PDE10A: variants seen among roughly 807,000 people sequenced by gnomAD.
PDE10A encodes the protein cAMP and cAMP-inhibited cGMP 3',5'-cyclic phosphodiesterase 10A.
In PDE10A, 39 loss-of-function variants were observed where a neutral mutation model predicts 97.7. The observed-to-expected ratio is 0.40, with a 90% CI of 0.31 to 0.52. The LOEUF (loss-of-function observed/expected upper bound fraction) is 0.52. Among genes scored for constraint, PDE10A ranks in the 20% least tolerant of loss-of-function variants. PDE10A has a pLI of 0.56. For missense variants in PDE10A, 731 were observed against 1,047.8 expected (o/e 0.70, Z 4.17); for synonymous variants, 371 against 376.8 (o/e 0.98, Z 0.18).
intron 1 of PDE10A, among the ~76,000 whole-genome samples, chr6:165,740,655 C>T (rs185565049): frequency 6.6e-6 from 1 of 152,020 alleles, no homozygotes; most frequent in Non-Finnish European, 1.5e-5. Context: ...TATTACTCAG[C>T]CTTAAAAAAG....
chr6:165,861,711 C>T (rs1257099108), intron 1 of PDE10A, among the ~76,000 whole-genome samples: 2 of 151,858 alleles, frequency 1.3e-5, no homozygotes, highest in Non-Finnish European at 2.9e-5. Context: ...AAGGGAGTGA[C>T]GGGTTGGCAT....
chr6:165,552,076 A>G (rs568907558), intron 1 of PDE10A, among the ~76,000 whole-genome samples: 74 of 152,132 alleles, frequency 4.9e-4, no homozygotes, highest in Non-Finnish European at 8.5e-4. Flanking sequence ...GTTTCACTGG[A>G]GCTACCTTCA....
chr6:165,600,484 T>C (rs1447901455), intron 1 of PDE10A, among the ~76,000 whole-genome samples: 3 of 152,372 alleles, frequency 2.0e-5, no homozygotes, highest in Middle Eastern at 3.4e-3. Flanking sequence ...TGCACGCACA[T>C]ACACATACAC....
At chr6:165,475,464 A>C (rs2128276309) in intron 3 of PDE10A, among the ~76,000 whole-genome samples, 1 of 152,352 alleles carries the variant, frequency 6.6e-6, no homozygotes, top group South Asian at 2.1e-4. Flanking sequence ...AAACGAGGTG[A>C]CTTTGGCTGC....
At chr6:165,667,989 T>C (rs1790538335), upstream of PDE10A, among the ~76,000 whole-genome samples, 1 of 152,196 alleles carries the variant, frequency 6.6e-6, no homozygotes, top group African/African-American at 2.4e-5. Context: ...CAGTTTTCAG[T>C]TCTTAAAAAC....
At chr6:165,953,140 A>G (rs574864833) in intron 1 of PDE10A, among the ~76,000 whole-genome samples, 8 of 152,314 alleles carry the variant, frequency 5.3e-5, no homozygotes, top group Admixed American at 4.6e-4. Context: ...TTGGGCCCTC[A>G]GTGCCTCTGT....
At chr6:165,926,828 T>G (rs1782948980) in intron 1 of PDE10A, among the ~76,000 whole-genome samples, 1 of 152,214 alleles carries the variant, frequency 6.6e-6, no homozygotes, top group Non-Finnish European at 1.5e-5. Context: ...ATGTTGTACT[T>G]TACATCAAAA....
At chr6:165,913,190 A>C (rs530910950) in intron 1 of PDE10A, among the ~76,000 whole-genome samples, 58 of 152,234 alleles carry the variant, frequency 3.8e-4, no homozygotes, top group African/African-American at 1.3e-3. Context: ...CATTATGTAT[A>C]TGCAAATATT....
At chr6:165,689,276 G>T (rs1377483588) in intron 1 of PDE10A, among the ~76,000 whole-genome samples, 3 of 152,166 alleles carry the variant, frequency 2.0e-5, no homozygotes, top group Non-Finnish European at 2.9e-5. Flanking sequence ...TGTTTCAAGG[G>T]TTAAATGTTC....
intron 1 of PDE10A, among the ~76,000 whole-genome samples, chr6:165,836,370 C>G (rs989502385): frequency 6.6e-6 from 1 of 152,322 alleles, no homozygotes; most frequent in East Asian, 1.9e-4. Context: ...GACCGGCGCA[C>G]GTCGGCACAG....
At chr6:165,851,422 A>C (rs938849087) in intron 1 of PDE10A, among the ~76,000 whole-genome samples, 1 of 152,236 alleles carries the variant, frequency 6.6e-6, no homozygotes, top group Non-Finnish European at 1.5e-5. Flanking sequence ...TATATTTTAC[A>C]ACTGGGCATC....
intron 1 of PDE10A, among the ~76,000 whole-genome samples, chr6:165,926,107 G>A (rs1009528835): frequency 2.0e-5 from 3 of 152,108 alleles, no homozygotes; most frequent in Non-Finnish European, 4.4e-5. Context: ...TCTGTCTCTG[G>A]GACCCCAGTT....
At chr6:165,550,777 G>C (rs1214511808) in intron 1 of PDE10A, among the ~76,000 whole-genome samples, 1 of 152,118 alleles carries the variant, frequency 6.6e-6, no homozygotes, top group Non-Finnish European at 1.5e-5. Context: ...TCTGTAACTG[G>C]AATGGGCTAC....
At chr6:165,371,800 T>A (rs1375980620) in intron 18 of PDE10A, among the ~76,000 whole-genome samples, 1 of 151,996 alleles carries the variant, frequency 6.6e-6, no homozygotes, top group Non-Finnish European at 1.5e-5. Context: ...ACCAACATCC[T>A]TGATGAACAT....
chr6:165,934,346 T>A (rs1371433763), intron 1 of PDE10A, among the ~76,000 whole-genome samples: 2 of 151,968 alleles, frequency 1.3e-5, no homozygotes, highest in Non-Finnish European at 2.9e-5. Flanking sequence ...TCCCCAGAGA[T>A]CTTTAGCTGC....
At chr6:165,608,845 C>T (rs1267504050) in intron 1 of PDE10A, among the ~76,000 whole-genome samples, 5 of 152,174 alleles carry the variant, frequency 3.3e-5, no homozygotes, top group Non-Finnish European at 5.9e-5. Context: ...TTTTGATTTG[C>T]ATTTCTCTGA....
intron 1 of PDE10A, chr6:165,946,885 A>G (rs1368512571): frequency 2.0e-5 from 3 of 152,182 alleles, no homozygotes; most frequent in African/African-American, 7.2e-5. Context: ...AAATGAAATG[A>G]CTTTTTACGT....
intron 1 of PDE10A, among the ~76,000 whole-genome samples, chr6:165,706,160 A>T (rs941431282): frequency 6.6e-6 from 1 of 152,164 alleles, no homozygotes; most frequent in Non-Finnish European, 1.5e-5. Flanking sequence ...GCAGTGCGGG[A>T]AAAAGATGAT....
intron 1 of PDE10A, among the ~76,000 whole-genome samples, chr6:165,784,278 T>G (rs905275733): frequency 2.0e-5 from 3 of 151,826 alleles, no homozygotes; most frequent in Non-Finnish European, 4.4e-5. Context: ...TTTAACTCAG[T>G]GGACGTGTAG....
Sources: allele counts gnomAD v4.1 joint callset (sites outside exome capture counted in the v4.1 genomes callset), GRCh38; gene constraint gnomAD v4.1.1; transcripts MANE v1.5; gene names NCBI Gene and HGNC (gene_info 2026-07-23, HGNC 2026-07-21).